OTUB1: variants seen among roughly 807,000 people sequenced by gnomAD.
OTUB1 encodes the protein OTU deubiquitinase, ubiquitin aldehyde binding 1, also known as ubiquitin thioesterase OTUB1.
Under a neutral mutation model 35.8 loss-of-function variants are expected in OTUB1, and 10 were observed. The ratio of observed to expected loss-of-function variants is 0.28; its 90% CI spans 0.17 to 0.47. OTUB1 has a LOEUF of 0.47. Among genes scored for constraint, OTUB1 ranks in the 20% least tolerant of loss-of-function variants. OTUB1 has a pLI of 0.99. For synonymous variants in OTUB1, 158 were observed against 143.8 expected (o/e 1.10, Z -0.71); for missense variants, 264 against 351.6 (o/e 0.75, Z 1.99).
At chr11:63,995,112 G>A (rs1373567087) in intron 3 of OTUB1, among the ~76,000 whole-genome samples, 1 of 152,002 alleles carries the variant, frequency 6.6e-6, no homozygotes, top group Non-Finnish European at 1.5e-5. Flanking sequence ...ACAGCTCACT[G>A]TAGCCTCGAC....
At chr11:63,995,181 G>GCAC (rs1231280949) in intron 3 of OTUB1, among the ~76,000 whole-genome samples, 2 of 152,106 alleles carry the variant, frequency 1.3e-5, no homozygotes, top group African/African-American at 4.8e-5. Context: ...ACCACAGGAT[G>GCAC]CACCACCATG....
At chr11:63,990,083 G>T (rs1590778860) in intron 3 of OTUB1, 1 of 152,114 alleles carries the variant, frequency 6.6e-6, no homozygotes, top group East Asian at 1.9e-4. Context: ...CTGGGCAGGA[G>T]CTGATGATCT....
chr11:63,993,285 C>G lies in OTUB1; in HGVS notation c.220-3245C>G, dbSNP rs377055607. On this transcript the variant is annotated intron_variant, in intron 3 of 6. Transcript: ENST00000538426. ...CAGTGGAAATGCCTGTTGGACAGTT[C>G]AGAGGAGGTGTGGTGAGGCTGGTAG... is the stretch of plus-strand genomic sequence containing the variant. Among the ~76,000 whole-genome samples, 14 of 152,206 alleles carry G rather than the reference C, an allele frequency of 9.2e-5. No homozygotes were observed. In the East Asian group the frequency reaches 2.3e-3, roughly 25 times the overall value.
chr11:63,988,560 G>A, intron 2 of OTUB1, 94 bp from the exon 3 acceptor site: 1 of 1,255,036 alleles, frequency 8.0e-7, no homozygotes. Context: ...GTGCCACCGG[G>A]TGACCAGCCC....
chr11:63,988,334 C>G lies in OTUB1; in HGVS notation c.59-3C>G, dbSNP rs745500946. On this transcript the variant is annotated splice_region_variant and splice_polypyrimidine_tract_variant and intron_variant, in intron 1 of 6. Coordinates refer to ENST00000538426, the MANE Select transcript of OTUB1 (RefSeq NM_017670.3). ...TAATCTTTGGCTTTTTTCCTTTTCCCAGGTGTTAACTGTCTGGCCTATGAT... is the reference window on the plus strand; with the variant it reads ...TAATCTTTGGCTTTTTTCCTTTTCCGAGGTGTTAACTGTCTGGCCTATGAT... 1 of 1,552,416 alleles carries G rather than the reference C, an allele frequency of 6.4e-7. No individual in the cohort carries two copies. Among genetic ancestry groups the G allele is most frequent in the South Asian group, 1.2e-5 (1 of 84,072 alleles).
chr11:63,987,661 C>T (rs1252568707), intron 1 of OTUB1, among the ~76,000 whole-genome samples: 2 of 152,218 alleles, frequency 1.3e-5, no homozygotes, highest in African/African-American at 4.8e-5. Context: ...GAGCAGATTG[C>T]TTCACCTGTC....
At chr11:63,992,106 A>T (rs1219196349) in intron 3 of OTUB1, among the ~76,000 whole-genome samples, 1 of 151,984 alleles carries the variant, frequency 6.6e-6, no homozygotes, top group Non-Finnish European at 1.5e-5. Context: ...AATCCCAGCT[A>T]CTTAGGCTGA....
chr11:63,988,670 C>G lies in OTUB1; in HGVS notation c.137C>G (p.Pro46Arg). 1 of 1,612,656 alleles carries G rather than the reference C, an allele frequency of 6.2e-7. No individual in the cohort carries two copies. The highest frequency in any genetic ancestry group is 8.5e-7 in the Non-Finnish European group (1 of 1,178,964). The change falls in exon 3 of 7, where the codon CCT becomes CGT. Residue 46 changes from proline to arginine, a missense_variant. By Grantham distance (103) the Pro-to-Arg change is moderately radical (BLOSUM62 -2). Transcript: ENST00000538426. ...CTCCTCCAGATTGCTGTGCAGAACC[C>G]TCTGGTGTCAGAGCGGCTGGAGCTC... Reference protein sequence around the residue: ...RIQQEIAVQNPLVSERLELSV... With the variant: ...RIQQEIAVQNRLVSERLELSV...
At chr11:63,995,426 C>T (rs1942707899) in intron 3 of OTUB1, among the ~76,000 whole-genome samples, 1 of 151,860 alleles carries the variant, frequency 6.6e-6, no homozygotes, top group Admixed American at 6.6e-5. Flanking sequence ...GAACTCCCGA[C>T]CTCAGGTGAT....
rs1435647056 is a variant in OTUB1 at position 63,996,920 on chromosome 11, A to G, written c.402A>G (p.Thr134=). The G allele has an allele frequency of 2.5e-6, 4 of 1,613,900 alleles. No homozygotes were observed. The highest frequency in any genetic ancestry group is 1.1e-5 in the South Asian group (1 of 91,092). The change falls in exon 5 of 7, where the codon ACA becomes ACG. Residue 134 remains threonine (T), a synonymous_variant. Transcript: ENST00000538426. The part of the protein sequence containing the change: ...DLVSQGFTEF[T]IEDFHNTFMD... ...TGTCCCAGGGCTTCACTGAATTCAC[A>G]ATTGAGGATTTCCACAACACGGTGA... is the stretch of plus-strand genomic sequence containing the variant.
chr11:63,995,337 C>G (rs1942707078), intron 3 of OTUB1, among the ~76,000 whole-genome samples: 2 of 152,168 alleles, frequency 1.3e-5, no homozygotes, highest in South Asian at 4.1e-4. Flanking sequence ...GCTGGGATTA[C>G]AGGCATGCAC....
rs1467413457 is a variant in OTUB1, at chr11:63,986,493, C to G, written c.37C>G (p.Pro13Ala). The change falls in exon 1 of 7, where the codon CCG becomes GCG. Residue 13 changes from proline (P) to alanine (A), a missense_variant. By Grantham distance (27) the Pro-to-Ala change is conservative. This residue lies in a region of OTUB1 where 50 missense variants were observed against 34.5 expected (regional missense o/e 1.45). Coordinates refer to ENST00000538426, the MANE Select transcript of OTUB1 (RefSeq NM_017670.3). ...AEEPQQQKQE[P>A]LGSDSEGVNC... Reference sequence around the variant, plus strand: ...GGAACCTCAGCAGCAGAAGCAGGAGCCGCTGGGCAGCGACTCCGAAGGTAC... The same window carrying G: ...GGAACCTCAGCAGCAGAAGCAGGAGGCGCTGGGCAGCGACTCCGAAGGTAC... 6.4e-7 allele frequency: 1 copy of G among 1,553,290 alleles called. No individual in the cohort carries two copies.
intron 3 of OTUB1, among the ~76,000 whole-genome samples, chr11:63,992,743 G>T (rs964984374): frequency 2.0e-5 from 3 of 152,122 alleles, no homozygotes; most frequent in Admixed American, 2.0e-4. Flanking sequence ...TAGAGGTGGG[G>T]TTTCACCATA....
In OTUB1 at chr11:63,997,619, TG is replaced by T. The variant is rs1318874417; in HGVS notation, c.*75del. 7.9e-7 allele frequency: 1 copy of T among 1,268,106 alleles called. No homozygotes were observed. The highest frequency in any genetic ancestry group is 1.5e-5 in the African/African-American group (1 of 68,336). The allele number at this position is 1,268,106 out of a possible 1,614,324, so 78.6% of individuals were successfully genotyped here. ...CTAGACATGTACAGAGGTTTTTCTG[TG>T]GTTGTAAATGGTCCTATTTCACCCC... On this transcript the variant is annotated 3_prime_UTR_variant, in exon 7 of 7. Coordinates refer to ENST00000538426, the MANE Select transcript of OTUB1 (RefSeq NM_017670.3).
At chr11:63,992,543 ACTTTT>A (rs762796253) in intron 3 of OTUB1, among the ~76,000 whole-genome samples, 20 of 148,692 alleles carry the variant, frequency 1.3e-4, no homozygotes, top group South Asian at 1.0e-3. Flanking sequence ...GACTCTGGTC[ACTTTT>A]CTTTTTTTTT....
intron 3 of OTUB1, among the ~76,000 whole-genome samples, chr11:63,995,164 G>A (rs1206651862): frequency 6.6e-6 from 1 of 152,048 alleles, no homozygotes; most frequent in East Asian, 1.9e-4. Flanking sequence ...CCTCTCGAGT[G>A]GCTGGGACCA....
chr11:63,988,686 G>A lies in OTUB1; in HGVS notation c.153G>A (p.Arg51=), dbSNP rs1468119825. The change falls in exon 3 of 7, where the codon CGG becomes CGA. Residue 51 remains arginine, a synonymous_variant. Transcript: ENST00000538426. ...IAVQNPLVSE[R]LELSVLYKEY... ...TGCAGAACCCTCTGGTGTCAGAGCGGCTGGAGCTCTCGGTCCTATACAAGG... is the reference window on the plus strand; with the variant it reads ...TGCAGAACCCTCTGGTGTCAGAGCGACTGGAGCTCTCGGTCCTATACAAGG... 1.2e-6 allele frequency: 2 copies of A among 1,613,400 alleles called. No homozygotes were observed. Among genetic ancestry groups the A allele is most frequent in the South Asian group, 1.1e-5 (1 of 91,072 alleles).
In OTUB1 at chr11:63,997,522, A is replaced by G. The variant is rs1394403841; in HGVS notation, c.792A>G (p.Gly264=). Residue 264 remains glycine, a synonymous_variant, in exon 7 of 7, where the codon GGA becomes GGG. Coordinates refer to ENST00000538426, the MANE Select transcript of OTUB1 (RefSeq NM_017670.3). ...EPKVYLLYRP[G]HYDILYK is the part of the protein sequence containing the mutation. ...AGGTCTACCTTCTCTACCGGCCTGG[A>G]CACTACGATATCCTCTACAAATAGG... is the stretch of plus-strand genomic sequence containing the variant. 6.2e-7 allele frequency: 1 copy of G among 1,613,844 alleles called. No homozygotes were observed. The highest frequency in any genetic ancestry group is 8.5e-7 in the Non-Finnish European group (1 of 1,179,986).
chr11:63,995,331 G>A (rs1047891408), intron 3 of OTUB1, among the ~76,000 whole-genome samples: 2 of 152,240 alleles, frequency 1.3e-5, no homozygotes, highest in African/African-American at 4.8e-5. Flanking sequence ...CGAGTAGCTG[G>A]GATTACAGGC....
Sources: gnomAD v4.1 joint callset for allele counts (sites outside exome capture counted in the v4.1 genomes callset) on GRCh38, gnomAD v4.1.1 for gene constraint, gnomAD v4.1.1 regional missense constraint, MANE v1.5 for transcripts, NCBI Gene and HGNC (gene_info 2026-07-23, HGNC 2026-07-21) for gene names.